The following ADAM12 variants were observed in gnomAD, a reference collection of about 807,000 sequenced individuals.
ADAM12 encodes disintegrin and metalloproteinase domain-containing protein 12.
Under a neutral mutation model 106.4 loss-of-function variants are expected in ADAM12, and 70 were observed. The observed-to-expected ratio is 0.66, with a 90% CI of 0.54 to 0.80. The LOEUF (loss-of-function observed/expected upper bound fraction) is 0.80, where lower values mean the gene tolerates loss of function less well. ADAM12 is among the 30% of genes least tolerant of loss of function. The pLI is 0.00. For missense variants in ADAM12, 1,010 were observed against 1,171.9 expected, an observed-to-expected ratio of 0.86 and a Z score of 2.02; for synonymous variants, 420 against 433.5, an observed-to-expected ratio of 0.97 and a Z score of 0.39.
intron 3 of ADAM12, among the ~76,000 whole-genome samples, chr10:126,236,262 G>A (rs972432043): frequency 3.3e-5 from 5 of 152,232 alleles, no homozygotes; most frequent in African/African-American, 1.2e-4. Context: ...CAGGCCTGGT[G>A]CCCTGGGGGA....
intron 3 of ADAM12, among the ~76,000 whole-genome samples, chr10:126,191,248 T>C (rs1957495361): frequency 6.6e-6 from 1 of 152,042 alleles, no homozygotes; most frequent in Non-Finnish European, 1.5e-5. Flanking sequence ...GTGATCTGCC[T>C]GCCTCAGCCT....
intron 20 of ADAM12, among the ~76,000 whole-genome samples, chr10:126,037,801 G>A (rs1954086011): frequency 6.6e-6 from 1 of 152,162 alleles, no homozygotes; most frequent in African/African-American, 2.4e-5. Flanking sequence ...AGAGCTCCAT[G>A]TAACTTTTGA....
At chr10:126,178,512 A>T (rs965035398) in intron 3 of ADAM12, among the ~76,000 whole-genome samples, 4 of 151,472 alleles carry the variant, frequency 2.6e-5, no homozygotes, top group African/African-American at 9.7e-5. Flanking sequence ...CATATAAAAG[A>T]GCAATATATT....
chr10:126,204,963 G>A (rs1957769515), intron 3 of ADAM12, among the ~76,000 whole-genome samples: 2 of 152,294 alleles, frequency 1.3e-5, no homozygotes, highest in African/African-American at 4.8e-5. Flanking sequence ...AGTAACCCCA[G>A]GTTCTTGGCC....
intron 2 of ADAM12, among the ~76,000 whole-genome samples, chr10:126,317,454 T>C (rs1254023013): frequency 6.6e-6 from 1 of 152,180 alleles, no homozygotes; most frequent in Non-Finnish European, 1.5e-5. Flanking sequence ...GCAGACATTA[T>C]GCCAGCTGAA....
At chr10:126,337,463 A>C (rs950039348) in intron 1 of ADAM12, among the ~76,000 whole-genome samples, 9 of 152,232 alleles carry the variant, frequency 5.9e-5, no homozygotes, top group African/African-American at 1.9e-4. Context: ...AGTGGGAGGA[A>C]GCATTCAGCA....
intron 2 of ADAM12, among the ~76,000 whole-genome samples, chr10:126,291,741 T>C (rs1415849390): frequency 1.3e-5 from 2 of 152,028 alleles, no homozygotes; most frequent in Admixed American, 1.3e-4. Flanking sequence ...CGGGGGGTGA[T>C]GGATGCAGCT....
At chr10:126,100,932 G>T in intron 9 of ADAM12, 140 bp downstream of exon 9, 1 of 832,074 alleles carries the variant, frequency 1.2e-6, no homozygotes, top group Non-Finnish European at 1.8e-6. Context: ...CTGCCCCCCT[G>T]GTGTGAGCTG....
At chr10:126,081,795 A>AGATGTGTCTT (rs1955223405) in intron 11 of ADAM12, among the ~76,000 whole-genome samples, 2 of 152,222 alleles carry the variant, frequency 1.3e-5, no homozygotes, top group Non-Finnish European at 2.9e-5. Context: ...GACAGGCAAA[A>AGATGTGTCTT]GATGTGTCTT....
In ADAM12 at chr10:126,135,555, C is replaced by T. The variant is rs375940186; in HGVS notation, c.416+29G>A. On this transcript the variant is annotated intron_variant, in intron 5 of 22. Transcript: ENST00000448723. ...GTTGCCTGCAGTAGATGGCTGAAGA[C>T]TAGAGCCGCCATGGTCATGGCCACT... is the stretch of plus-strand genomic sequence containing the variant. 181 of 1,606,254 alleles carry T rather than the reference C, an allele frequency of 1.1e-4. No homozygotes were observed. In the African/African-American group the frequency reaches 1.9e-3, roughly 17 times the overall value.
At chr10:126,349,862 C>T (rs575163515) in intron 1 of ADAM12, among the ~76,000 whole-genome samples, 2 of 152,296 alleles carry the variant, frequency 1.3e-5, no homozygotes, top group East Asian at 1.9e-4. Context: ...TGGAACTCTC[C>T]GTGGGCAGAA....
intron 1 of ADAM12, among the ~76,000 whole-genome samples, chr10:126,371,795 G>A (rs1856120465): frequency 1.3e-5 from 2 of 152,138 alleles, no homozygotes; most frequent in Admixed American, 6.5e-5. Flanking sequence ...GCCATTCTAC[G>A]CTTATCCTCC....
In ADAM12 at chr10:126,359,143, CT is replaced by C. The variant is rs201107205; in HGVS notation, c.89-28635del. 1.0e-2 allele frequency among the ~76,000 whole-genome samples: 1,517 copies of C among 152,244 alleles called. 25 individuals are homozygous for C. Among genetic ancestry groups the C allele is most frequent in the African/African-American group, 0.035 (1,442 of 41,532 alleles). ...ATCACCAGAACAGCATGGGAATGAC[CT>C]GCACCCATGATTCAATTACCTCCCA... On this transcript the variant is annotated intron_variant, in intron 1 of 22. Coordinates refer to ENST00000448723, the MANE Select transcript of ADAM12 (RefSeq NM_001288973.2).
intron 14 of ADAM12, among the ~76,000 whole-genome samples, chr10:126,062,352 T>C (rs1954775091): frequency 6.6e-6 from 1 of 151,020 alleles, no homozygotes; most frequent in East Asian, 2.0e-4. Flanking sequence ...TGGGAGAGAG[T>C]AGAGCTAAGC....
chr10:126,310,297 A>G (rs767606380), intron 2 of ADAM12, among the ~76,000 whole-genome samples: 7 of 152,126 alleles, frequency 4.6e-5, no homozygotes, highest in Non-Finnish European at 8.8e-5. Flanking sequence ...GGAGAACAGG[A>G]GTGGGAAAAG....
At chr10:126,209,932 G>C (rs7097444) in intron 3 of ADAM12, among the ~76,000 whole-genome samples, 98 of 152,312 alleles carry the variant, frequency 6.4e-4, no homozygotes, top group African/African-American at 2.3e-3. Flanking sequence ...CTGGGAACAG[G>C]CGACTGCTGA....
At chr10:126,222,518 T>C (rs1274054625) in intron 3 of ADAM12, among the ~76,000 whole-genome samples, 1 of 151,124 alleles carries the variant, frequency 6.6e-6, no homozygotes, top group African/African-American at 2.4e-5. Context: ...TCATCTCTTC[T>C]TGCAAAGTGG....
chr10:126,343,973 C>T (rs564387147), intron 1 of ADAM12, among the ~76,000 whole-genome samples: 1 of 152,240 alleles, frequency 6.6e-6, no homozygotes, highest in South Asian at 2.1e-4. Flanking sequence ...ATGTAGATTG[C>T]CTGTTCACTC....
chr10:126,050,711 T>C (rs3781007), intron 14 of ADAM12, among the ~76,000 whole-genome samples: 17 of 152,316 alleles, frequency 1.1e-4, no homozygotes, highest in East Asian at 7.7e-4. Context: ...TCCCCCTTCG[T>C]TAGCCTGCAC....
Sources: gnomAD v4.1 joint callset for allele counts (sites outside exome capture counted in the v4.1 genomes callset) on GRCh38, gnomAD v4.1.1 for gene constraint, MANE v1.5 for transcripts, NCBI Gene and HGNC (gene_info 2026-07-23, HGNC 2026-07-21) for gene names.